PPEF1: variants seen among roughly 807,000 people sequenced by gnomAD.
PPEF1 encodes the protein protein phosphatase with EF-hand domain 1.
PPEF1 carries 12 observed loss-of-function variants against 53.3 expected under a neutral mutation model. The observed-to-expected ratio is 0.23, with a 90% CI of 0.14 to 0.36. PPEF1 has a LOEUF of 0.36. Ranked by LOEUF, PPEF1 falls within the 10% of genes least tolerant of loss-of-function variation. The pLI is 1.00. For synonymous variants in PPEF1, 165 were observed against 176.7 expected (o/e 0.93, Z 0.52); for missense variants, 334 against 490.4 (o/e 0.68, Z 3.01).
intron 4 of PPEF1, among the ~76,000 whole-genome samples, chrX:18,751,948 TC>T (rs749935428): frequency 1.4e-4 from 16 of 112,392 alleles, no homozygotes; most frequent in Non-Finnish European, 2.6e-4. Context: ...TCAACTTTGT[TC>T]TTTTGCAGTG....
chrX:18,696,319 AT>A (rs34503947), intron 4 of PPEF1, among the ~76,000 whole-genome samples: 4,124 of 95,618 alleles, frequency 0.043, 220 homozygotes, highest in African/African-American at 0.13. Context: ...CACCCAGCTA[AT>A]TTTTTTTTTT....
chrX:18,692,518 CT>C (rs1929458287), intron 4 of PPEF1, among the ~76,000 whole-genome samples: 2 of 111,996 alleles, frequency 1.8e-5, no homozygotes, highest in Admixed American at 9.5e-5. Context: ...CTCCCTCACT[CT>C]CCATGCCCAG....
At chrX:18,678,128 CAAAAAAA>C (rs57502489), upstream of PPEF1, among the ~76,000 whole-genome samples, 1 of 33,750 alleles carries the variant, frequency 3.0e-5, no homozygotes, top group African/African-American at 1.3e-4. Flanking sequence ...GAGAACCTGG[CAAAAAAA>C]AAAAAAAAAA....
At chrX:18,721,569 A>G (rs946267858) in intron 1 of PPEF1, among the ~76,000 whole-genome samples, 1 of 111,596 alleles carries the variant, frequency 9.0e-6, no homozygotes, top group African/African-American at 3.3e-5. Flanking sequence ...CACACAGTCC[A>G]AAGTTCTCAT....
At chrX:18,739,673 G>A (rs140388234) in intron 3 of PPEF1, among the ~76,000 whole-genome samples, 1,945 of 112,165 alleles carry the variant, frequency 0.017, 15 homozygotes, top group Non-Finnish European at 0.027. Flanking sequence ...GTCAGACAGG[G>A]ATGTTTAAGT....
intron 6 of PPEF1, among the ~76,000 whole-genome samples, chrX:18,761,781 G>T (rs1489276267): frequency 9.2e-6 from 1 of 108,485 alleles, no homozygotes; most frequent in African/African-American, 3.4e-5. Context: ...TGTACTTTGG[G>T]TCTTCATTCT....
chrX:18,820,424 C>T (rs868397701), intron 13 of PPEF1, among the ~76,000 whole-genome samples: 73 of 106,426 alleles, frequency 6.9e-4, no homozygotes, highest in Non-Finnish European at 1.2e-3. Context: ...CTTGCTCTGT[C>T]GCCCAGGCTG....
chrX:18,792,955 C>G (rs1323246749), intron 10 of PPEF1, among the ~76,000 whole-genome samples: 1 of 110,368 alleles, frequency 9.1e-6, no homozygotes, highest in African/African-American at 3.3e-5. Context: ...AGCATAAGCC[C>G]AATGGAGAGG....
intron 4 of PPEF1, among the ~76,000 whole-genome samples, chrX:18,696,320 T>TA: frequency 2.5e-5 from 1 of 39,399 alleles, no homozygotes; most frequent in Non-Finnish European, 6.7e-5. Context: ...ACCCAGCTAA[T>TA]TTTTTTTTTT....
intron 6 of PPEF1, among the ~76,000 whole-genome samples, chrX:18,765,599 A>AT (rs993215652): frequency 1.8e-5 from 2 of 110,938 alleles, no homozygotes; most frequent in African/African-American, 6.7e-5. Context: ...GGTAAAATTT[A>AT]TTTTTTAAAA....
In PPEF1 at chrX:18,737,756, C is replaced by G. The variant is rs748300942; in HGVS notation, c.235+3948C>G. Among the ~76,000 whole-genome samples, 910 of 110,451 alleles carry G rather than the reference C, an allele frequency of 8.2e-3. 4 individuals carry two copies. The highest frequency in any genetic ancestry group is 0.015 in the Non-Finnish European group (767 of 52,735). On this transcript the variant is annotated intron_variant, in intron 3 of 15. Transcript: ENST00000470157. ...TCTCCCATTATTATTGTGTGGGAGT[C>G]TAAGTCTCTTTGTAGGTCACTCAGG... is the stretch of plus-strand genomic sequence containing the variant.
chrX:18,732,543 A>G (rs749376356), intron 2 of PPEF1, among the ~76,000 whole-genome samples: 16 of 112,048 alleles, frequency 1.4e-4, no homozygotes, highest in Non-Finnish European at 2.8e-4. Context: ...GATTATAGCT[A>G]TCGTAGTGGG....
At chrX:18,818,615 C>T (rs974675283) in intron 13 of PPEF1, among the ~76,000 whole-genome samples, 1 of 111,630 alleles carries the variant, frequency 9.0e-6, no homozygotes, top group Non-Finnish European at 1.9e-5. Context: ...ATGATCCGTC[C>T]GCCTTGGCCT....
chrX:18,678,057 G>T (rs1054306296), upstream of PPEF1, among the ~76,000 whole-genome samples: 1 of 104,822 alleles, frequency 9.5e-6, no homozygotes, highest in Non-Finnish European at 1.9e-5. Flanking sequence ...CTTGAGCTCA[G>T]GAGGTCGAGG....
At chrX:18,786,146 C>T (rs180783488) in intron 9 of PPEF1, among the ~76,000 whole-genome samples, 1 of 112,070 alleles carries the variant, frequency 8.9e-6, no homozygotes, top group Admixed American at 9.4e-5. Context: ...TCAGTCATGG[C>T]AGCCTCTTCC....
In PPEF1 at chrX:18,741,067, A is replaced by G. The variant is rs768204680; in HGVS notation, c.235+7259A>G. 7.2e-5 allele frequency among the ~76,000 whole-genome samples: 8 copies of G among 111,175 alleles called. No homozygotes were observed. In the East Asian group the frequency reaches 2.3e-3, roughly 31 times the overall value. On this transcript the variant is annotated intron_variant, in intron 3 of 15. Transcript: ENST00000470157. ...TTTAAGCTAAGTGCATATGTATGAA[A>G]CTAATTAAAGCATTTAATGATCTGT...
At chrX:18,710,557 TAACA>T (rs1321996100) in intron 1 of PPEF1, among the ~76,000 whole-genome samples, 1 of 111,941 alleles carries the variant, frequency 8.9e-6, no homozygotes, top group Non-Finnish European at 1.9e-5. Context: ...TACAAATGGC[TAACA>T]AACACACGAA....
chrX:18,704,063 A>G (rs1269146291), upstream of PPEF1, among the ~76,000 whole-genome samples: 1 of 108,454 alleles, frequency 9.2e-6, no homozygotes, highest in African/African-American at 3.4e-5. Flanking sequence ...AGCTGGGACT[A>G]CAGATGTGCA....
rs557685508 is a variant in PPEF1 at position 18,694,666 on chromosome X, A to G, written c.-312-3179A>G. Among the ~76,000 whole-genome samples, 13 of 111,908 alleles carry G rather than the reference A, an allele frequency of 1.2e-4. No homozygotes were observed. The South Asian group carries it at 4.9e-3, about 42-fold the overall frequency. On this transcript the variant is annotated intron_variant, in intron 4 of 21. Transcript: ENST00000361511. ...GTGGAAGGATAGCTTGAGCCCAGAA[A>G]GTTGAAGTTGCAGTGAGCTGTGATT...
Sources: gnomAD v4.1 joint callset for allele counts (sites outside exome capture counted in the v4.1 genomes callset) on GRCh38, gnomAD v4.1.1 for gene constraint, MANE v1.5 for transcripts, NCBI Gene and HGNC (gene_info 2026-07-23, HGNC 2026-07-21) for gene names.